The following OSBPL3 variants were observed in gnomAD, a reference collection of about 807,000 sequenced individuals.
OSBPL3 encodes oxysterol binding protein like 3.
OSBPL3 carries 65 observed loss-of-function variants against 120.1 expected under a neutral mutation model. That is an observed-to-expected ratio of 0.54 (90% CI 0.44 to 0.67). The LOEUF is 0.67. Ranked by LOEUF, OSBPL3 falls within the 30% of genes least tolerant of loss-of-function variation. The pLI, the probability that OSBPL3 is intolerant of heterozygous loss-of-function variation, is 0.00. For missense variants in OSBPL3, 1,004 were observed against 1,082.1 expected, an observed-to-expected ratio of 0.93 and a Z score of 1.01; for synonymous variants, 416 against 402.6, an observed-to-expected ratio of 1.03 and a Z score of -0.40.
chr7:24,914,024 T>C (rs1741282252), intron 1 of OSBPL3, among the ~76,000 whole-genome samples: 1 of 152,158 alleles, frequency 6.6e-6, no homozygotes, highest in East Asian at 1.9e-4. Flanking sequence ...AGAGGGTTGT[T>C]CTTTTAATAT....
intron 5 of OSBPL3, 74 bp downstream of exon 5, chr7:24,870,658 C>T (rs577234359): frequency 4.4e-6 from 4 of 910,418 alleles, no homozygotes; most frequent in African/African-American, 3.2e-5. Flanking sequence ...ACCCAAAAGG[C>T]ATTACCAATA....
chr7:24,923,841 G>A (rs1810713365), intron 1 of OSBPL3, among the ~76,000 whole-genome samples: 1 of 152,174 alleles, frequency 6.6e-6, no homozygotes, highest in Non-Finnish European at 1.5e-5. Context: ...TGCCTGCCAG[G>A]GGCTCTGAGA....
At chr7:24,869,877 C>T (rs1801864803) in intron 5 of OSBPL3, among the ~76,000 whole-genome samples, 1 of 152,154 alleles carries the variant, frequency 6.6e-6, no homozygotes, top group Admixed American at 6.5e-5. Flanking sequence ...TTTTCCTAAT[C>T]CTCAGGCCCC....
intron 1 of OSBPL3, among the ~76,000 whole-genome samples, chr7:24,904,933 G>A (rs1584569430): frequency 6.6e-6 from 1 of 150,464 alleles, no homozygotes; most frequent in East Asian, 1.9e-4. Context: ...GTGTGTGTGT[G>A]TGTGTGTGTG....
intron 12 of OSBPL3, among the ~76,000 whole-genome samples, chr7:24,846,956 G>A (rs1171182095): frequency 6.6e-6 from 1 of 151,824 alleles, no homozygotes. Flanking sequence ...CCAGCTGCTG[G>A]GAAGGCTGAG....
Position 24,816,826 on chromosome 7 carries a change from T to G in OSBPL3, c.1949-138A>C, listed in dbSNP as rs925976718. The G allele has an allele frequency of 9.3e-6, 6 of 647,156 alleles. No individual in the cohort carries two copies. The African/African-American group carries it at 1.1e-4, about 12-fold the overall frequency. 40.1% of individuals were successfully genotyped at this position (647,156 alleles called of 1,614,324 possible). ...GTCAATTATTGTATAGGATAACTTT[T>G]CATAAAATATAAGTACCAACCCCAT... On this transcript the variant is annotated intron_variant, in intron 17 of 22. Coordinates refer to ENST00000313367, the MANE Select transcript of OSBPL3 (RefSeq NM_015550.4).
chr7:24,953,130 C>T lies in OSBPL3; in HGVS notation c.-150+26756G>A, dbSNP rs181512602. Among the ~76,000 whole-genome samples, 5 of 152,208 alleles carry T rather than the reference C, an allele frequency of 3.3e-5. No homozygotes were observed. The East Asian group carries it at 9.6e-4, about 29-fold the overall frequency. ...CCAGCCTGGACGACAGAGTGAGACC[C>T]CGTCTCTAAAAGGTAAATAAATACA... On this transcript the variant is annotated intron_variant, in intron 1 of 22. Transcript: ENST00000313367. This position sits in a 1 kb window ranked among gnomAD's most constrained non-coding sequence, Gnocchi z 4.3.
At chr7:24,875,122 TA>T (rs1410431511) in intron 2 of OSBPL3, among the ~76,000 whole-genome samples, 1 of 152,228 alleles carries the variant, frequency 6.6e-6, no homozygotes, top group Non-Finnish European at 1.5e-5. Flanking sequence ...GCCATTTCTG[TA>T]AGTGAAATGT....
chr7:24,887,805 A>G (rs1465626345), intron 2 of OSBPL3, among the ~76,000 whole-genome samples: 3 of 152,184 alleles, frequency 2.0e-5, no homozygotes, highest in Admixed American at 2.0e-4. Context: ...AGTCCTTCTT[A>G]ACACAATGCT....
At chr7:24,935,882 CTT>C (rs564195352) in intron 1 of OSBPL3, among the ~76,000 whole-genome samples, 1 of 148,630 alleles carries the variant, frequency 6.7e-6, no homozygotes, top group African/African-American at 2.5e-5. Flanking sequence ...AAGAAGGAAT[CTT>C]TTTTTTTTAT....
chr7:24,854,502 G>A lies in OSBPL3; in HGVS notation c.1028-1868C>T, dbSNP rs10215597. Among the ~76,000 whole-genome samples, 653 of 131,568 alleles carry A rather than the reference G, an allele frequency of 5.0e-3. 4 individuals are homozygous for A. The highest frequency in any genetic ancestry group is 0.015 in the African/African-American group (546 of 35,934). The allele number at this position is 131,568 out of a possible 152,430, so 86.3% of individuals were successfully genotyped here. A position where few individuals can be genotyped will look rare whatever the true frequency, so the allele number is the denominator to read the frequency against. ...CACAACAATTTGTACACACACACAC[G>A]CACACACACACACACACACACACAC... On this transcript the variant is annotated intron_variant, in intron 10 of 22. Coordinates refer to ENST00000313367, the MANE Select transcript of OSBPL3 (RefSeq NM_015550.4). The surrounding 1 kb of genome is among the most constrained non-coding windows in gnomAD (Gnocchi z 4.1).
At chr7:24,981,630 T>C (rs1428320838), upstream of OSBPL3, 1 of 152,406 alleles carries the variant, frequency 6.6e-6, no homozygotes, top group Non-Finnish European at 1.5e-5. The surrounding 1 kb of genome is among the most constrained non-coding windows in gnomAD (Gnocchi z 7.3). Context: ...CCTCGCGAAA[T>C]GTCTGGGACT....
chr7:24,931,282 T>C (rs2391008), intron 1 of OSBPL3, among the ~76,000 whole-genome samples: 148,861 of 152,290 alleles, frequency 0.98, 72,780 homozygotes, highest in East Asian at 1. Flanking sequence ...TTATAAGTTA[T>C]GTGCCTGTCT....
chr7:24,902,527 C>G (rs971835008), intron 1 of OSBPL3, among the ~76,000 whole-genome samples: 1 of 151,982 alleles, frequency 6.6e-6, no homozygotes, highest in Non-Finnish European at 1.5e-5. Context: ...TATCTGCTCC[C>G]CATGAGGCTG....
chr7:24,809,661 A>G, intron 20 of OSBPL3, 146 bp downstream of exon 20: 2 of 680,458 alleles, frequency 2.9e-6, no homozygotes, highest in Non-Finnish European at 4.9e-6. Flanking sequence ...TGGATGAAGG[A>G]AAGAGGGCCT....
At position 24,918,835 on chromosome 7, in the gene OSBPL3, C is replaced by T. The variant is rs1211830461; in HGVS notation, c.-149-26214G>A. Among the ~76,000 whole-genome samples the T allele has an allele frequency of 6.6e-6, 1 of 152,128 alleles. No individual in the cohort carries two copies. The highest frequency in any genetic ancestry group is 2.4e-5 in the African/African-American group (1 of 41,428). Reference sequence around the variant, plus strand: ...ATGATTTTAAGGAAGAATTTAGAATCGTATTACAAGGTACCAAGAAAGCTT... The same window carrying T: ...ATGATTTTAAGGAAGAATTTAGAATTGTATTACAAGGTACCAAGAAAGCTT... On this transcript the variant is annotated intron_variant, in intron 1 of 22. Coordinates refer to ENST00000313367, the MANE Select transcript of OSBPL3 (RefSeq NM_015550.4). The surrounding 1 kb of genome is among the most constrained non-coding windows in gnomAD (Gnocchi z 4.3).
At position 24,812,519 on chromosome 7, in the gene OSBPL3, C is replaced by A. The variant is rs1466949233; in HGVS notation, c.2172+2540G>T. Among the ~76,000 whole-genome samples the A allele has an allele frequency of 2.0e-5, 3 of 152,148 alleles. No homozygotes were observed. In the East Asian group the frequency reaches 5.8e-4, roughly 29 times the overall value. Reference sequence around the variant, plus strand: ...ATTTTATACAGTTCCACACTGCAGCCAGCAGAGGGAGCTCTAGCACCCTAG... The same window carrying A: ...ATTTTATACAGTTCCACACTGCAGCAAGCAGAGGGAGCTCTAGCACCCTAG... On this transcript the variant is annotated intron_variant, in intron 19 of 22. Transcript: ENST00000313367.
At chr7:24,971,209 G>A (rs953336603) in intron 1 of OSBPL3, among the ~76,000 whole-genome samples, 4 of 152,206 alleles carry the variant, frequency 2.6e-5, no homozygotes, top group Admixed American at 6.5e-5. Flanking sequence ...AATAGAGGCC[G>A]AAAGACCTGA....
rs776765429 is a variant in OSBPL3 at position 24,891,043 on chromosome 7, A to G, written c.96+1334T>C. ...CCCCTAGGTGTAAGGAAGATGGCGC[A>G]GGTAGGGGATATACCACATACTGTT... On this transcript the variant is annotated intron_variant, in intron 2 of 22. Coordinates refer to ENST00000313367, the MANE Select transcript of OSBPL3 (RefSeq NM_015550.4). The surrounding 1 kb of genome is among the most constrained non-coding windows in gnomAD (Gnocchi z 4.1). Among the ~76,000 whole-genome samples the G allele has an allele frequency of 1.1e-4, 17 of 152,192 alleles. No individual in the cohort carries two copies. Among genetic ancestry groups the G allele is most frequent in the Non-Finnish European group, 2.2e-4 (15 of 68,040 alleles).
Sources: gnomAD v4.1 joint callset for allele counts (sites outside exome capture counted in the v4.1 genomes callset) on GRCh38, gnomAD v4.1.1 for gene constraint, Gnocchi (gnomAD v3.1) non-coding constraint, MANE v1.5 for transcripts, NCBI Gene and HGNC (gene_info 2026-07-23, HGNC 2026-07-21) for gene names.